MGAM: variants seen among roughly 807,000 people sequenced by gnomAD.
MGAM encodes maltase-glucoamylase.
In MGAM, 253 loss-of-function variants were observed where a neutral mutation model predicts 358.8. That is an observed-to-expected ratio of 0.71 (90% CI 0.64 to 0.78). MGAM has a LOEUF of 0.78. Ranked by LOEUF, MGAM falls within the 30% of genes least tolerant of loss-of-function variation. The pLI, the probability that MGAM is intolerant of heterozygous loss-of-function variation, is 0.00. For synonymous variants in MGAM, 1,105 were observed against 1,227.1 expected, an observed-to-expected ratio of 0.90 and a Z score of 2.08; for missense variants, 3,080 against 3,432.6, an observed-to-expected ratio of 0.90 and a Z score of 2.57.
intron 29 of MGAM, among the ~76,000 whole-genome samples, 159 bp downstream of exon 29, chr7:142,056,255 A>G (rs973332937): frequency 1.5e-4 from 23 of 152,106 alleles, no homozygotes; most frequent in African/African-American, 5.6e-4. Context: ...GTTTATTTCA[A>G]TCTAATATCA....
chr7:142,043,820 G>A (rs1206398647), intron 21 of MGAM, among the ~76,000 whole-genome samples: 8 of 98,080 alleles, frequency 8.2e-5, no homozygotes, highest in Non-Finnish European at 1.4e-4. Context: ...CACATACGAC[G>A]TATAATATAT....
chr7:142,041,550 A>T (rs1304252379), intron 21 of MGAM, among the ~76,000 whole-genome samples: 1 of 151,988 alleles, frequency 6.6e-6, no homozygotes, highest in Non-Finnish European at 1.5e-5. Context: ...GGTTGCTCCC[A>T]GGCTTGAAGT....
intron 7 of MGAM, among the ~76,000 whole-genome samples, chr7:142,024,295 TC>T (rs1469938226): frequency 6.6e-6 from 1 of 151,818 alleles, no homozygotes; most frequent in African/African-American, 2.4e-5. Context: ...ACGCCTGTAA[TC>T]CTAGCTACTC....
intron 2 of MGAM, 119 bp from the exon 3 acceptor site, chr7:142,008,387 T>C: frequency 9.4e-7 from 1 of 1,060,060 alleles, no homozygotes; most frequent in Non-Finnish European, 1.3e-6. Flanking sequence ...TGCATAAATT[T>C]TGAGGTCATC....
At position 142,076,184 on chromosome 7, in the gene MGAM, G is replaced by T. The variant is rs769547979; in HGVS notation, c.5276-19G>T. On this transcript the variant is annotated intron_variant, in intron 45 of 70. Transcript: ENST00000475668. ...TGGTGGGCAAGCCGGAGTCTGACTT[G>T]TCTTTCTGTCACTTTCAGATACTGT... 6.5e-7 allele frequency: 1 copy of T among 1,535,666 alleles called. No individual in the cohort carries two copies. Among genetic ancestry groups the T allele is most frequent in the South Asian group, 1.1e-5 (1 of 88,872 alleles).
At chr7:142,101,721 C>G (rs1816458017) in intron 68 of MGAM, among the ~76,000 whole-genome samples, 1 of 151,718 alleles carries the variant, frequency 6.6e-6, no homozygotes, top group Admixed American at 6.6e-5. Context: ...GCCTGACCAA[C>G]ATGCAGAAAC....
At position 142,027,620 on chromosome 7, in the gene MGAM, G is replaced by A. The variant is rs368035457; in HGVS notation, c.1106G>A (p.Arg369Gln). The change falls in exon 10 of 71, where the codon CGG (arginine) becomes CAG (glutamine). Residue 369 changes from arginine to glutamine, a missense_variant. Coordinates refer to ENST00000475668, the MANE Select transcript of MGAM (RefSeq NM_001365693.1). Reference sequence around the variant, plus strand: ...ACATATTTCTTTCAGCTCATTGGGCGGCCAGCCCTTCCCTCCTACTGGGCG... The same window carrying A: ...ACATATTTCTTTCAGCTCATTGGGCAGCCAGCCCTTCCCTCCTACTGGGCG... ...VVQEYLELIG[R>Q]PALPSYWALG... The A allele has an allele frequency of 2.8e-5, 45 of 1,613,168 alleles. No individual in the cohort carries two copies. The highest frequency in any genetic ancestry group is 6.6e-5 in the South Asian group (6 of 90,980).
chr7:142,030,341 G>T, intron 10 of MGAM, 21 bp from the exon 11 acceptor site: 1 of 1,610,022 alleles, frequency 6.2e-7, no homozygotes, highest in Non-Finnish European at 8.5e-7. Flanking sequence ...TGCTAATTGT[G>T]GACTTTGTAT....
intron 24 of MGAM, 38 bp from the exon 25 acceptor site, chr7:142,052,256 T>C (rs1225096151): frequency 1.3e-6 from 2 of 1,552,400 alleles, no homozygotes; most frequent in Non-Finnish European, 8.7e-7. Context: ...GCCTGTCTCC[T>C]AAAGATGAAT....
chr7:142,016,233 C>T (rs1805958766), intron 3 of MGAM, among the ~76,000 whole-genome samples: 1 of 152,154 alleles, frequency 6.6e-6, no homozygotes, highest in South Asian at 2.1e-4. Flanking sequence ...GACTCTTAAG[C>T]AGTGTCTTCA....
intron 10 of MGAM, among the ~76,000 whole-genome samples, chr7:142,028,465 A>G (rs1554461755): frequency 3.3e-5 from 5 of 152,164 alleles, no homozygotes; most frequent in Non-Finnish European, 7.3e-5. Context: ...TAGTAAATTG[A>G]GGCTGTCAGG....
intron 44 of MGAM, among the ~76,000 whole-genome samples, chr7:142,072,347 G>T (rs73740267): frequency 0.097 from 14,085 of 145,800 alleles, 2,106 homozygotes; most frequent in African/African-American, 0.23. Flanking sequence ...TCCAACATCT[G>T]TGCCTGGTGT....
At chr7:142,100,293 A>T (rs1816327849) in intron 67 of MGAM, among the ~76,000 whole-genome samples, 1 of 152,236 alleles carries the variant, frequency 6.6e-6, no homozygotes, top group Non-Finnish European at 1.5e-5. Flanking sequence ...ATAGATGAGC[A>T]AAAAGGCTAA....
intron 3 of MGAM, among the ~76,000 whole-genome samples, chr7:142,012,157 A>G (rs1467195032): frequency 6.6e-6 from 1 of 152,146 alleles, no homozygotes; most frequent in Non-Finnish European, 1.5e-5. Flanking sequence ...CATTTTCTTC[A>G]TGTGGAGACT....
At position 142,032,880 on chromosome 7, in the gene MGAM, A is replaced by G. The variant is rs782433642; in HGVS notation, c.1640A>G (p.Asn547Ser). Residue 547 changes from asparagine (N) to serine (S), a missense_variant, in exon 14 of 71, where the codon AAC (asparagine) becomes AGC (serine). Asn to Ser is a conservative substitution (Grantham distance 46, BLOSUM62 1). Around this residue, in one of 5 missense-constraint regions of MGAM, gnomAD observed 1,816 missense variants for 1,840.5 expected, o/e 0.99. Coordinates refer to ENST00000475668, the MANE Select transcript of MGAM (RefSeq NM_001365693.1). Reference sequence around the variant, plus strand: ...GGTTCGGTCTCAGGATGTTCCACAAACAACCTAAATAATCCCCCATTCACT... The same window carrying G: ...GGTTCGGTCTCAGGATGTTCCACAAGCAACCTAAATAATCCCCCATTCACT... ...VDGSVSGCST[N>S]NLNNPPFTPR... The G allele has an allele frequency of 3.1e-6, 5 of 1,610,800 alleles. No homozygotes were observed. The highest frequency in any genetic ancestry group is 4.2e-6 in the Non-Finnish European group (5 of 1,178,322).
At chr7:142,004,015 G>A (rs1189496314) in intron 1 of MGAM, among the ~76,000 whole-genome samples, 1 of 152,000 alleles carries the variant, frequency 6.6e-6, no homozygotes, top group African/African-American at 2.4e-5. Flanking sequence ...TGGTCAGAAT[G>A]GCTATTATTG....
Position 142,092,608 on chromosome 7 carries a change from T to A in MGAM, c.7033T>A (p.Tyr2345Asn), listed in dbSNP as rs1172736496. Residue 2345 changes from tyrosine to asparagine, a missense_variant and splice_region_variant, in exon 59 of 71, where the codon TAT (tyrosine) becomes AAT (asparagine). Physicochemically the swap from Tyr to Asn is moderately radical, Grantham distance 143. Around this residue, in one of 5 missense-constraint regions of MGAM, gnomAD observed 932 missense variants for 1,198.2 expected, o/e 0.78. Transcript: ENST00000475668. ...ASLNHPPYMP[Y>N]LESRDRGLSS... ...TCTGAACCACCCTCCCTACATGCCG[T>A]GTAAGAATCCTTGGCCTTCTTGATT... 1 of 1,534,032 alleles carries A rather than the reference T, an allele frequency of 6.5e-7. No homozygotes were observed. The highest frequency in any genetic ancestry group is 1.3e-5 in the African/African-American group (1 of 74,326).
Position 142,034,368 on chromosome 7 carries a change from C to A in MGAM, c.1776C>A (p.Val592=). The change falls in exon 15 of 71, where the codon GTC becomes GTA. Residue 592 remains valine, a synonymous_variant. Transcript: ENST00000475668. ...IHNLYGYSMA[V]ATAEAAKTVF... The stretch of plus-strand genomic sequence containing the variant: ...ATCTGTATGGCTACTCCATGGCGGT[C>A]GCCACAGCAGAGTAAGGCCACTATG... 1 of 1,573,854 alleles carries A rather than the reference C, an allele frequency of 6.4e-7. No homozygotes were observed. The highest frequency in any genetic ancestry group is 1.2e-5 in the South Asian group (1 of 85,908).
At chr7:142,099,529 G>A (rs1451025740) in intron 66 of MGAM, 84 bp from the exon 67 acceptor site, 6 of 1,600,926 alleles carry the variant, frequency 3.7e-6, no homozygotes. Context: ...GTTCAGAAGG[G>A]AGGATGAGAT....
Sources: gnomAD v4.1 joint callset for allele counts (sites outside exome capture counted in the v4.1 genomes callset) on GRCh38, gnomAD v4.1.1 for gene constraint, gnomAD v4.1.1 regional missense constraint, MANE v1.5 for transcripts, NCBI Gene and HGNC (gene_info 2026-07-23, HGNC 2026-07-21) for gene names.